Variants in ADGRV1 observed in about 807,000 individuals in gnomAD.
The protein encoded by ADGRV1 is G-protein coupled receptor 98.
Under a neutral mutation model 596.2 loss-of-function variants are expected in ADGRV1, and 359 were observed. The observed-to-expected ratio is 0.60, with a 90% CI of 0.55 to 0.66. ADGRV1 has a LOEUF of 0.66. ADGRV1 is among the 30% of genes least tolerant of loss of function. ADGRV1 has a pLI of 0.00. For missense variants in ADGRV1, 7,274 were observed against 7,575.6 expected (o/e 0.96, Z 1.48); for synonymous variants, 2,681 against 2,679.2 (o/e 1.00, Z -0.02).
chr5:90,709,399 C>G (rs1749039713), intron 39 of ADGRV1, among the ~76,000 whole-genome samples: 1 of 152,128 alleles, frequency 6.6e-6, no homozygotes, highest in African/African-American at 2.4e-5. Flanking sequence ...AAACCTGAGC[C>G]TTGGTACAAA....
intron 85 of ADGRV1, among the ~76,000 whole-genome samples, chr5:90,987,472 A>G (rs2151058023): frequency 6.7e-6 from 1 of 150,116 alleles, no homozygotes; most frequent in Admixed American, 6.6e-5. Context: ...TCTGACTCAA[A>G]AAAAAAAAAA....
At position 90,638,087 on chromosome 5, in the gene ADGRV1, C is replaced by G. The variant is rs547826149; in HGVS notation, c.2240+139C>G. 933 of 587,208 alleles carry G rather than the reference C, an allele frequency of 1.6e-3. 1 individual carries two copies. Among genetic ancestry groups the G allele is most frequent in the Non-Finnish European group, 2.5e-3 (856 of 343,082 alleles). 36.4% of individuals were successfully genotyped at this position (587,208 alleles called of 1,614,324 possible). ...AAATAGTGTTATACTGGCCTTCAGA[C>G]TTTTCTGTTATTTGTTGATGGCTTC... On this transcript the variant is annotated intron_variant, in intron 11 of 89. Coordinates refer to ENST00000405460, the MANE Select transcript of ADGRV1 (RefSeq NM_032119.4).
intron 52 of ADGRV1, 89 bp downstream of exon 52, chr5:90,745,884 A>G (rs1754573059): frequency 1.3e-6 from 1 of 758,338 alleles, no homozygotes; most frequent in East Asian, 2.6e-5. Flanking sequence ...TCAGCAAGTC[A>G]TAGTTTGAGT....
At chr5:90,619,936 A>AT (rs1290440289) in intron 4 of ADGRV1, among the ~76,000 whole-genome samples, 1 of 151,966 alleles carries the variant, frequency 6.6e-6, no homozygotes, top group Non-Finnish European at 1.5e-5. Context: ...TGAACTCATC[A>AT]TTTTTTATGG....
At chr5:90,799,100 T>C (rs866103751) in intron 70 of ADGRV1, among the ~76,000 whole-genome samples, 9 of 151,730 alleles carry the variant, frequency 5.9e-5, no homozygotes, top group African/African-American at 1.7e-4. Context: ...AAGAAAGGAG[T>C]AAAGGATATT....
At chr5:91,149,154 G>C (rs1795805350) in intron 87 of ADGRV1, among the ~76,000 whole-genome samples, 1 of 152,194 alleles carries the variant, frequency 6.6e-6, no homozygotes, top group African/African-American at 2.4e-5. Flanking sequence ...AATGAGTTAA[G>C]ACTTTGGGAG....
In ADGRV1 at chr5:90,863,758, T is replaced by C. The variant is rs762981243; in HGVS notation, c.17757T>C (p.Gly5919=). 5.0e-6 allele frequency: 8 copies of C among 1,610,552 alleles called. No homozygotes were observed. The South Asian group carries it at 8.8e-5, about 18-fold the overall frequency. The change falls in exon 83 of 90, where the codon GGT becomes GGC. Residue 5919 remains glycine, a splice_region_variant and synonymous_variant. Transcript: ENST00000405460. ...FFTSGFICIS[G]LCLAVLSHIF... is the part of the protein sequence containing the mutation. ...ATGTGGACTTTTTTGTTCCTACAGG[T>C]CTTTGCTTGGCTGTTCTTTCCCATA...
chr5:90,856,610 A>G (rs1300433237), intron 82 of ADGRV1, among the ~76,000 whole-genome samples: 2 of 152,122 alleles, frequency 1.3e-5, no homozygotes, highest in Non-Finnish European at 2.9e-5. Context: ...TTTCAGCCCC[A>G]CAACTTTTTC....
Position 90,673,929 on chromosome 5 carries a change from A to T in ADGRV1, c.4930-125A>T, listed in dbSNP as rs187678913. ...ATACAATGTTTTAATGTTTTAATTT[A>T]TGCAGAAATAAGTCGTAAGTGGTAA... is the stretch of plus-strand genomic sequence containing the variant. On this transcript the variant is annotated intron_variant, in intron 22 of 89. Transcript: ENST00000405460. The T allele has an allele frequency of 1.8e-3, 1,151 of 646,146 alleles. 2 individuals carry two copies. The highest frequency in any genetic ancestry group is 3.9e-3 in the Admixed American group (139 of 35,530). The allele number at this position is 646,146 out of a possible 1,614,324, so 40.0% of individuals were successfully genotyped here.
chr5:90,588,230 A>T (rs1759030104), intron 1 of ADGRV1, among the ~76,000 whole-genome samples: 1 of 152,234 alleles, frequency 6.6e-6, no homozygotes, highest in African/African-American at 2.4e-5. Flanking sequence ...ACCTAGTAGA[A>T]ATGATTATCT....
rs4019486 is a variant in ADGRV1 at position 90,658,677 on chromosome 5, A to ATTTT, written c.4752+409_4752+412dup. On this transcript the variant is annotated intron_variant, in intron 21 of 89. Transcript: ENST00000405460. ...AACTTTATTAAAATATGATTTTTTG[A>ATTTT]TTTTTTTTTTTTTACATGTGAAACG... Among the ~76,000 whole-genome samples, 141 of 148,548 alleles carry ATTTT rather than the reference A, an allele frequency of 9.5e-4. 2 individuals are homozygous for ATTTT. The highest frequency in any genetic ancestry group is 4.2e-3 in the South Asian group (20 of 4,710).
chr5:90,823,467 C>A lies in ADGRV1; in HGVS notation c.16239C>A (p.Asn5413Lys). 1 of 1,613,880 alleles carries A rather than the reference C, an allele frequency of 6.2e-7. No individual in the cohort carries two copies. Among genetic ancestry groups the A allele is most frequent in the Non-Finnish European group, 8.5e-7 (1 of 1,179,850 alleles). The change falls in exon 76 of 90, where the codon AAC becomes AAA. Residue 5413 changes from asparagine (N) to lysine (K), a missense_variant. This residue lies in a region of ADGRV1 where 1,874 missense variants were observed against 1,970.2 expected (regional missense o/e 0.95). Coordinates refer to ENST00000405460, the MANE Select transcript of ADGRV1 (RefSeq NM_032119.4). The part of the protein sequence containing the change: ...DVKVFWRVTL[N>K]KTVVVLQKDG... The stretch of plus-strand genomic sequence containing the variant: ...AGGTCTTTTGGCGAGTCACACTTAA[C>A]AAAACAGTCGTCGTGCTCCAGAAGG...
At position 90,815,775 on chromosome 5, in the gene ADGRV1, G is replaced by A. The variant is rs760437274; in HGVS notation, c.16196+39G>A. ...TAGTATATGGAAGACGTAACATTCT[G>A]TGTGTCTGTACAAATGTAATTTCAA... On this transcript the variant is annotated intron_variant, in intron 75 of 89. Coordinates refer to ENST00000405460, the MANE Select transcript of ADGRV1 (RefSeq NM_032119.4). 5 of 1,088,734 alleles carry A rather than the reference G, an allele frequency of 4.6e-6. No homozygotes were observed. The South Asian group carries it at 6.7e-5, about 15-fold the overall frequency. 67.4% of individuals were successfully genotyped at this position (1,088,734 alleles called of 1,614,324 possible).
chr5:90,946,101 A>G (rs1776554618), intron 83 of ADGRV1, among the ~76,000 whole-genome samples: 1 of 152,234 alleles, frequency 6.6e-6, no homozygotes, highest in South Asian at 2.1e-4. Context: ...ACTGAGACAA[A>G]TAAGATGGAC....
chr5:90,993,458 G>A (rs1781142885), intron 85 of ADGRV1, among the ~76,000 whole-genome samples: 1 of 151,922 alleles, frequency 6.6e-6, no homozygotes, highest in Non-Finnish European at 1.5e-5. Flanking sequence ...TGCTGTGCCG[G>A]TTTTCACTTT....
At chr5:90,821,665 A>G (rs1262096170) in intron 75 of ADGRV1, among the ~76,000 whole-genome samples, 2,513 of 151,360 alleles carry the variant, frequency 0.017, 29 homozygotes, top group Non-Finnish European at 0.024. Flanking sequence ...GTCTGTTGGA[A>G]TAGCCTGCCG....
intron 85 of ADGRV1, among the ~76,000 whole-genome samples, chr5:91,057,946 G>A (rs1787038694): frequency 6.6e-6 from 1 of 152,192 alleles, no homozygotes; most frequent in African/African-American, 2.4e-5. Context: ...GAATGAGCAT[G>A]TTTAGTGTGA....
At chr5:90,854,797 C>A (rs2150413044) in intron 81 of ADGRV1, among the ~76,000 whole-genome samples, 1 of 152,252 alleles carries the variant, frequency 6.6e-6, no homozygotes, top group African/African-American at 2.4e-5. Context: ...TTCCTGTCAG[C>A]CACTTGATTT....
At chr5:90,896,950 G>A (rs942764019) in intron 83 of ADGRV1, among the ~76,000 whole-genome samples, 4 of 152,190 alleles carry the variant, frequency 2.6e-5, no homozygotes, top group Admixed American at 6.6e-5. Context: ...GACCCACAGA[G>A]TGTAGACCAT....
Sources: gnomAD v4.1 joint callset for allele counts (sites outside exome capture counted in the v4.1 genomes callset) on GRCh38, gnomAD v4.1.1 for gene constraint, gnomAD v4.1.1 regional missense constraint, MANE v1.5 for transcripts, NCBI Gene and HGNC (gene_info 2026-07-23, HGNC 2026-07-21) for gene names.